CLEC2D: variants seen among roughly 807,000 people sequenced by gnomAD.
The protein encoded by CLEC2D is C-type lectin domain family 2 member D, also known as C-type lectin related f.
A neutral mutation model predicts 20.0 loss-of-function variants in CLEC2D; 16 were observed. That is an observed-to-expected ratio of 0.80 (90% CI 0.54 to 1.22). The LOEUF is 1.22. Ranked by LOEUF, CLEC2D falls within the 50% of genes most tolerant of loss-of-function variation. The pLI is 0.00. For missense variants in CLEC2D, 207 were observed against 221.5 expected (o/e 0.93, Z 0.42); for synonymous variants, 77 against 71.1 (o/e 1.08, Z -0.42).
At chr12:9,677,131 A>C (rs1314609225) in intron 1 of CLEC2D, among the ~76,000 whole-genome samples, 1 of 148,496 alleles carries the variant, frequency 6.7e-6, no homozygotes, top group Non-Finnish European at 1.5e-5. Context: ...TGCTCTAATT[A>C]TTTCTTTTCT....
rs373190623 is a variant in CLEC2D at position 9,689,461 on chromosome 12, G to T, written c.357+1375G>T. Among the ~76,000 whole-genome samples, 54 of 152,192 alleles carry T rather than the reference G, an allele frequency of 3.5e-4. No homozygotes were observed. The East Asian group carries it at 7.9e-3, about 22-fold the overall frequency. On this transcript the variant is annotated intron_variant, in intron 3 of 4. Transcript: ENST00000290855. ...AAAATTACAAAACATGCAAAGAAAA[G>T]TATGGTTCATTCACAGGAAGAAAAA...
chr12:9,690,635 CAT>C (rs145778342), intron 3 of CLEC2D, among the ~76,000 whole-genome samples: 3,438 of 151,888 alleles, frequency 0.023, 138 homozygotes, highest in African/African-American at 0.079. Context: ...GGGATGAAGA[CAT>C]ATAGGATCAA....
At chr12:9,670,838 G>A (rs2120878902) in intron 1 of CLEC2D, among the ~76,000 whole-genome samples, 1 of 152,344 alleles carries the variant, frequency 6.6e-6, no homozygotes, top group Admixed American at 6.5e-5. Flanking sequence ...AACCAGGGGT[G>A]AAATTGGGAA....
chr12:9,687,298 T>G (rs1865770233), intron 2 of CLEC2D, among the ~76,000 whole-genome samples: 1 of 152,228 alleles, frequency 6.6e-6, no homozygotes, highest in Non-Finnish European at 1.5e-5. Context: ...GCCCACAACC[T>G]AGATTCCTCA....
chr12:9,679,337 T>C (rs1330250416), intron 1 of CLEC2D, among the ~76,000 whole-genome samples: 3 of 152,168 alleles, frequency 2.0e-5, no homozygotes, highest in Non-Finnish European at 2.9e-5. Flanking sequence ...TAATTGCATT[T>C]AACTTTTTTG....
intron 2 of CLEC2D, among the ~76,000 whole-genome samples, chr12:9,681,596 C>A (rs1218260757): frequency 2.3e-5 from 3 of 129,404 alleles, no homozygotes; most frequent in Non-Finnish European, 3.3e-5. Context: ...TCAAAACATG[C>A]TTGCAGTGCA....
At chr12:9,693,439 T>A (rs768798597) in intron 4 of CLEC2D, 2 of 209,404 alleles carry the variant, frequency 9.6e-6, no homozygotes, top group South Asian at 2.3e-4. Flanking sequence ...CTAAAAAGAT[T>A]TGAGATAATG....
At chr12:9,671,264 C>G (rs1040851052) in intron 1 of CLEC2D, among the ~76,000 whole-genome samples, 3 of 152,168 alleles carry the variant, frequency 2.0e-5, no homozygotes, top group Non-Finnish European at 4.4e-5. Context: ...CACTCTGTCC[C>G]CCAGGCTGGA....
chr12:9,670,280 AAT>A (rs34951810), intron 1 of CLEC2D, among the ~76,000 whole-genome samples: 4 of 150,842 alleles, frequency 2.7e-5, no homozygotes, highest in Admixed American at 1.3e-4. Context: ...ATGCACTGGA[AAT>A]ATATATATAT....
chr12:9,673,554 T>C (rs962891471), intron 1 of CLEC2D, among the ~76,000 whole-genome samples: 2 of 152,270 alleles, frequency 1.3e-5, no homozygotes, highest in Non-Finnish European at 2.9e-5. Context: ...CCCGCTTATG[T>C]AGAGAATCTG....
intron 1 of CLEC2D, among the ~76,000 whole-genome samples, chr12:9,677,539 G>T (rs1381312210): frequency 6.6e-6 from 1 of 152,062 alleles, no homozygotes; most frequent in Non-Finnish European, 1.5e-5. Context: ...GGCCCAGAAG[G>T]TGGTCTATTA....
chr12:9,681,987 G>A (rs534473166), intron 2 of CLEC2D, among the ~76,000 whole-genome samples: 1 of 152,236 alleles, frequency 6.6e-6, no homozygotes. Context: ...AAGTACCTCA[G>A]TATTAATCAA....
At chr12:9,687,791 A>G (rs189913066) in intron 2 of CLEC2D, 111 bp from the exon 3 acceptor site, 1 of 572,358 alleles carries the variant, frequency 1.7e-6, no homozygotes, top group African/African-American at 2.0e-5. Flanking sequence ...TGAAAATAAT[A>G]CATTTAATAC....
chr12:9,694,667 A>T lies in CLEC2D; in HGVS notation c.462-93A>T, dbSNP rs1865938478. ...AAAACAGCATTATTTTTAGAGGCTG[A>T]ATTAATGTTAGTTTTCTCATTTTCT... is the stretch of plus-strand genomic sequence containing the variant. On this transcript the variant is annotated intron_variant, in intron 4 of 4. Transcript: ENST00000290855. The T allele has an allele frequency of 3.5e-5, 26 of 743,944 alleles. No homozygotes were observed. In the South Asian group the frequency reaches 3.8e-4, roughly 11 times the overall value. 46.1% of individuals were successfully genotyped at this position (743,944 alleles called of 1,614,324 possible). A position where few individuals can be genotyped will look rare whatever the true frequency, so the allele number is the denominator to read the frequency against.
At chr12:9,693,984 T>A (rs1029231878) in intron 4 of CLEC2D, 6 of 301,654 alleles carry the variant, frequency 2.0e-5, no homozygotes, top group South Asian at 2.7e-5. Context: ...TTTTTTTTTT[T>A]TTTTTTTTTT....
intron 1 of CLEC2D, among the ~76,000 whole-genome samples, chr12:9,679,980 C>T (rs1170459244): frequency 1.3e-5 from 2 of 152,114 alleles, no homozygotes; most frequent in Non-Finnish European, 2.9e-5. Context: ...ATAAGATAAA[C>T]ACCTTTGTTG....
chr12:9,681,709 T>A (rs769460832), intron 2 of CLEC2D, among the ~76,000 whole-genome samples: 1 of 152,226 alleles, frequency 6.6e-6, no homozygotes, highest in Non-Finnish European at 1.5e-5. Flanking sequence ...TGTTACTACA[T>A]TCTGAAGTAA....
At chr12:9,688,581 T>C (rs910509376) in intron 3 of CLEC2D, among the ~76,000 whole-genome samples, 9 of 152,098 alleles carry the variant, frequency 5.9e-5, no homozygotes, top group African/African-American at 2.2e-4. Context: ...TAGCTGGGCA[T>C]GGTGGCATAC....
chr12:9,674,535 G>T (rs1179564127), intron 1 of CLEC2D, among the ~76,000 whole-genome samples: 1 of 152,164 alleles, frequency 6.6e-6, no homozygotes, highest in Non-Finnish European at 1.5e-5. Flanking sequence ...GTTTCTGTTT[G>T]GCCATTTTGG....
Sources: gnomAD v4.1 joint callset for allele counts (sites outside exome capture counted in the v4.1 genomes callset) on GRCh38, gnomAD v4.1.1 for gene constraint, MANE v1.5 for transcripts, NCBI Gene and HGNC (gene_info 2026-07-23, HGNC 2026-07-21) for gene names.